PTPN5: variants seen among roughly 807,000 people sequenced by gnomAD.
PTPN5 encodes tyrosine-protein phosphatase non-receptor type 5.
In PTPN5, 29 loss-of-function variants were observed where a neutral mutation model predicts 73.9. The ratio of observed to expected loss-of-function variants is 0.39; its 90% confidence interval spans 0.29 to 0.54. The LOEUF (loss-of-function observed/expected upper bound fraction) is 0.54, where lower values mean the gene tolerates loss of function less well. PTPN5 is among the 20% of genes least tolerant of loss of function. PTPN5 has a pLI of 0.65. For synonymous variants in PTPN5, 267 were observed against 304.7 expected (o/e 0.88, Z 1.29); for missense variants, 652 against 751.4 (o/e 0.87, Z 1.55).
chr11:18,779,021 C>G (rs1404631626), intron 1 of PTPN5, among the ~76,000 whole-genome samples: 1 of 152,150 alleles, frequency 6.6e-6, no homozygotes. Context: ...TGCTCCGCTC[C>G]TCATTGCTTA....
chr11:18,782,867 T>C (rs1478208875), intron 1 of PTPN5, among the ~76,000 whole-genome samples: 1 of 152,160 alleles, frequency 6.6e-6, no homozygotes, highest in African/African-American at 2.4e-5. Flanking sequence ...TGCTTTTACA[T>C]CAAAGAACTC....
At chr11:18,738,779 C>T (rs1849231898) in intron 8 of PTPN5, among the ~76,000 whole-genome samples, 1 of 152,178 alleles carries the variant, frequency 6.6e-6, no homozygotes, top group African/African-American at 2.4e-5. Flanking sequence ...TGAGACCACC[C>T]TGGCCAACAT....
intron 1 of PTPN5, among the ~76,000 whole-genome samples, chr11:18,774,450 G>C (rs1851049294): frequency 6.6e-6 from 1 of 152,246 alleles, no homozygotes; most frequent in Non-Finnish European, 1.5e-5. Flanking sequence ...GGGCCTGCAG[G>C]TGTCTGTGGT....
intron 1 of PTPN5, among the ~76,000 whole-genome samples, chr11:18,774,275 A>G (rs2134329225): frequency 6.6e-6 from 1 of 152,384 alleles, no homozygotes; most frequent in South Asian, 2.1e-4. Context: ...GGATCTGTGC[A>G]AACCACCAAC....
intron 3 of PTPN5, among the ~76,000 whole-genome samples, chr11:18,747,788 A>G (rs1406868434): frequency 1.3e-5 from 2 of 152,256 alleles, no homozygotes; most frequent in Non-Finnish European, 2.9e-5. Flanking sequence ...AAATTAAGAA[A>G]GTACAAATAT....
chr11:18,744,108 C>T lies in PTPN5; in HGVS notation c.189G>A (p.Ser63=), dbSNP rs150000507. ...GCTTCTGAGCTGGATCTGAGGGCGG[C>T]GAGGGAGGAGGGGGTGGCGGCATCT... The part of the protein sequence containing the change: ...QREMPPPPPP[S]PPSDPAQKPP... The change falls in exon 4 of 15, where the codon TCG becomes TCA. Residue 63 remains serine (S), a synonymous_variant. Transcript: ENST00000358540. The T allele has an allele frequency of 1.2e-4, 197 of 1,610,604 alleles. 2 individuals are homozygous for T. The highest frequency in any genetic ancestry group is 7.8e-4 in the South Asian group (71 of 90,554).
At chr11:18,745,480 C>A (rs1236412799) in intron 3 of PTPN5, among the ~76,000 whole-genome samples, 1 of 152,166 alleles carries the variant, frequency 6.6e-6, no homozygotes, top group Admixed American at 6.5e-5. Context: ...GTAAGCCCGC[C>A]CCCTATGCTT....
chr11:18,756,294 C>CTT (rs552226983), intron 3 of PTPN5, among the ~76,000 whole-genome samples: 4,220 of 110,980 alleles, frequency 0.038, 191 homozygotes, highest in South Asian at 0.12. Context: ...ACATCCTTCA[C>CTT]TTTTTTTTTT....
chr11:18,764,857 C>T lies in PTPN5; in HGVS notation c.97+950G>A, dbSNP rs56374426. Among the ~76,000 whole-genome samples, 1,083 of 152,186 alleles carry T rather than the reference C, an allele frequency of 7.1e-3. 12 individuals carry two copies. The highest frequency in any genetic ancestry group is 0.024 in the African/African-American group (989 of 41,522). On this transcript the variant is annotated intron_variant, in intron 3 of 14. Transcript: ENST00000358540. Reference sequence around the variant, plus strand: ...CCTCCCAAGTAGCTGGGACTACAGGCGCCCGCCACCACGCCTGGCTAATTT... The same window carrying T: ...CCTCCCAAGTAGCTGGGACTACAGGTGCCCGCCACCACGCCTGGCTAATTT...
chr11:18,775,211 C>A lies in PTPN5; in HGVS notation c.-113-3140G>T, dbSNP rs551454608. On this transcript the variant is annotated intron_variant, in intron 1 of 14. Coordinates refer to ENST00000358540, the MANE Select transcript of PTPN5 (RefSeq NM_006906.2). ...CTTCCCCCATTGCCCACATTCCTAA[C>A]CTCTCTTTCACTTTTTAGCTTTTGG... is the stretch of plus-strand genomic sequence containing the variant. 9.2e-5 allele frequency among the ~76,000 whole-genome samples: 14 copies of A among 152,364 alleles called. 1 individual carries two copies. The South Asian group carries it at 2.9e-3, about 32-fold the overall frequency.
At chr11:18,776,362 A>T (rs1173410258) in intron 1 of PTPN5, among the ~76,000 whole-genome samples, 1 of 151,770 alleles carries the variant, frequency 6.6e-6, no homozygotes, top group Admixed American at 6.6e-5. Context: ...TCACCTCCTC[A>T]ATAGAACCCT....
In PTPN5 at chr11:18,729,058, G is replaced by A. The variant is rs774731471; in HGVS notation, c.1605-31C>T. ...CGGCAGAGATGCACAGTGGGGGCAG[G>A]GTCGTGGAGGGATGGGCTGTGGGAG... On this transcript the variant is annotated intron_variant, in intron 14 of 14. Coordinates refer to ENST00000358540, the MANE Select transcript of PTPN5 (RefSeq NM_006906.2). This position sits in a 1 kb window ranked among gnomAD's most constrained non-coding sequence, Gnocchi z 5.2. 9 of 1,605,960 alleles carry A rather than the reference G, an allele frequency of 5.6e-6. No individual in the cohort carries two copies. The East Asian group carries it at 1.1e-4, about 20-fold the overall frequency.
rs1305561253 is a variant in PTPN5, at chr11:18,744,203, T to C, written c.98-4A>G. The C allele has an allele frequency of 6.5e-7, 1 of 1,531,090 alleles. No individual in the cohort carries two copies. The highest frequency in any genetic ancestry group is 1.3e-5 in the South Asian group (1 of 78,814). 94.8% of individuals were successfully genotyped at this position (1,531,090 alleles called of 1,614,324 possible). A position where few individuals can be genotyped will look rare whatever the true frequency, so the allele number is the denominator to read the frequency against. ...ATCACTATCGGCTGGGGGAGACCTG[T>C]GGAAGATGGGCCATGCGGGCCGATG... On this transcript the variant is annotated splice_polypyrimidine_tract_variant and splice_region_variant and intron_variant, in intron 3 of 14. Transcript: ENST00000358540.
intron 1 of PTPN5, among the ~76,000 whole-genome samples, chr11:18,783,975 C>G (rs1047994137): frequency 8.5e-5 from 13 of 152,280 alleles, no homozygotes; most frequent in African/African-American, 3.1e-4. Context: ...TCTCTGTTAC[C>G]TCCATGGCCA....
intron 1 of PTPN5, among the ~76,000 whole-genome samples, chr11:18,777,979 A>AAGG: frequency 2.5e-5 from 1 of 40,608 alleles, no homozygotes; most frequent in South Asian, 1.7e-3. Flanking sequence ...AGGAAGGAAG[A>AAGG]AAGAAAGAAA....
chr11:18,750,356 C>T (rs1849831779), intron 3 of PTPN5, among the ~76,000 whole-genome samples: 1 of 152,102 alleles, frequency 6.6e-6, no homozygotes, highest in African/African-American at 2.4e-5. Flanking sequence ...CAGACTGCTT[C>T]CAGAGCCCAT....
intron 1 of PTPN5, among the ~76,000 whole-genome samples, chr11:18,777,049 T>C (rs1329021410): frequency 6.6e-6 from 1 of 152,130 alleles, no homozygotes; most frequent in Non-Finnish European, 1.5e-5. Context: ...TAATCCCAGC[T>C]ACTTGGGAGG....
chr11:18,737,832 AG>A, intron 9 of PTPN5, 47 bp downstream of exon 9: 1 of 1,515,026 alleles, frequency 6.6e-7, no homozygotes, highest in South Asian at 1.1e-5. Context: ...GGGGATCCCC[AG>A]GTGAAGCTGA....
In PTPN5 at chr11:18,732,613, C is replaced by T. The variant is rs1423392707; in HGVS notation, c.1308G>A (p.Arg436=). 6.2e-7 allele frequency: 1 copy of T among 1,613,760 alleles called. No homozygotes were observed. Among genetic ancestry groups the T allele is most frequent in the Admixed American group, 1.7e-5 (1 of 59,996 alleles). The change falls in exon 12 of 15, where the codon CGG becomes CGA. Residue 436 remains arginine, a synonymous_variant. Transcript: ENST00000358540. ...TCACCTTGAGGGAGATGAGTCGCAG[C>T]CGGTAATCCTCCGTGTGAATGACTT... is the stretch of plus-strand genomic sequence containing the variant. The part of the protein sequence containing the change: ...VQKVIHTEDY[R]LRLISLKSGT...
Sources: allele counts gnomAD v4.1 joint callset (sites outside exome capture counted in the v4.1 genomes callset), GRCh38; gene constraint gnomAD v4.1.1; non-coding constraint Gnocchi (gnomAD v3.1); transcripts MANE v1.5; gene names NCBI Gene and HGNC (gene_info 2026-07-23, HGNC 2026-07-21).